BCAS3: variants seen among roughly 807,000 people sequenced by gnomAD.
The protein encoded by BCAS3 is BCAS3 microtubule associated cell migration factor.
A neutral mutation model predicts 116.1 loss-of-function variants in BCAS3; 53 were observed. The ratio of observed to expected loss-of-function variants is 0.46; its 90% CI spans 0.37 to 0.57. The LOEUF (loss-of-function observed/expected upper bound fraction) is 0.57, where lower values mean the gene tolerates loss of function less well. Among genes scored for constraint, BCAS3 ranks in the 20% least tolerant of loss-of-function variants. The pLI is 0.00. For synonymous variants in BCAS3, 391 were observed against 408.2 expected, an observed-to-expected ratio of 0.96 and a Z score of 0.51; for missense variants, 917 against 1,165.4, an observed-to-expected ratio of 0.79 and a Z score of 3.10.
At chr17:60,816,553 G>A (rs888463974) in intron 7 of BCAS3, among the ~76,000 whole-genome samples, 1 of 152,082 alleles carries the variant, frequency 6.6e-6, no homozygotes, top group Non-Finnish European at 1.5e-5. Context: ...GATTACAGGC[G>A]TGCACTACCG....
rs1160957752 is a variant in BCAS3 at position 61,220,304 on chromosome 17, C to CAAACAAACA, written c.2425+135743_2425+135744insCAAACAAAA. On this transcript the variant is annotated intron_variant, in intron 22 of 23. Transcript: ENST00000407086. This position sits in a 1 kb window ranked among gnomAD's most constrained non-coding sequence, Gnocchi z 4.5. ...GTGAGACTCCATCTCAAAAAACAAACAAAAAACAAAAAAACTGAAGTTTTC... is the reference window on the plus strand; with the variant it reads ...GTGAGACTCCATCTCAAAAAACAAACAAACAAACAAAAAAACAAAAAAACTGAAGTTTTC... 3.3e-5 allele frequency among the ~76,000 whole-genome samples: 5 copies of CAAACAAACA among 151,432 alleles called. No individual in the cohort carries two copies. Among genetic ancestry groups the CAAACAAACA allele is most frequent in the African/African-American group, 1.2e-4 (5 of 41,214 alleles).
At chr17:60,887,783 A>G (rs1159130534) in intron 9 of BCAS3, among the ~76,000 whole-genome samples, 1 of 152,216 alleles carries the variant, frequency 6.6e-6, no homozygotes, top group African/African-American at 2.4e-5. Flanking sequence ...AAATGAATTC[A>G]GGTCACCTCT....
rs1324271946 is a variant in BCAS3, at chr17:61,214,563, C to T, written c.2425+129999C>T. ...AAAATTAGCTGGGCGTGGCGGCGGG[C>T]GCCTGTAGTCCCAGCTACTCCGGAG... On this transcript the variant is annotated intron_variant, in intron 22 of 23. Transcript: ENST00000407086. This position sits in a 1 kb window ranked among gnomAD's most constrained non-coding sequence, Gnocchi z 4.4. 2.0e-5 allele frequency among the ~76,000 whole-genome samples: 3 copies of T among 150,402 alleles called. No individual in the cohort carries two copies. The highest frequency in any genetic ancestry group is 4.4e-5 in the Non-Finnish European group (3 of 67,712).
In BCAS3 at chr17:61,217,650, A is replaced by AT. The variant is rs1045571372; in HGVS notation, c.2425+133091dup. 3.9e-5 allele frequency among the ~76,000 whole-genome samples: 6 copies of AT among 152,136 alleles called. No individual in the cohort carries two copies. The highest frequency in any genetic ancestry group is 8.8e-5 in the Non-Finnish European group (6 of 68,022). Reference sequence around the variant, plus strand: ...GGACCTAGACACTCCAAAAGTCTGCATTTTTATCCTGTTAGGTTTTCCAGA... The same window carrying AT: ...GGACCTAGACACTCCAAAAGTCTGCATTTTTTATCCTGTTAGGTTTTCCAGA... On this transcript the variant is annotated intron_variant, in intron 22 of 23. Coordinates refer to ENST00000407086, the MANE Select transcript of BCAS3 (RefSeq NM_017679.5). The surrounding 1 kb of genome is among the most constrained non-coding windows in gnomAD (Gnocchi z 5.2).
At position 61,332,919 on chromosome 17, in the gene BCAS3, C is replaced by T. The variant is rs1473483405; in HGVS notation, c.2426-35408C>T. Among the ~76,000 whole-genome samples, 5 of 152,160 alleles carry T rather than the reference C, an allele frequency of 3.3e-5. No homozygotes were observed. Among genetic ancestry groups the T allele is most frequent in the African/African-American group, 1.2e-4 (5 of 41,436 alleles). The stretch of plus-strand genomic sequence containing the variant: ...GCGTGAGCCATGGCACCCGGCCTAT[C>T]CCCATCTTAAAAAGGAGGCAGCTAA... On this transcript the variant is annotated intron_variant, in intron 22 of 23. Coordinates refer to ENST00000407086, the MANE Select transcript of BCAS3 (RefSeq NM_017679.5). The surrounding 1 kb of genome is among the most constrained non-coding windows in gnomAD (Gnocchi z 5.4).
At chr17:61,078,567 G>A (rs779153279) in intron 21 of BCAS3, 38 bp downstream of exon 21, 1 of 1,532,944 alleles carries the variant, frequency 6.5e-7, no homozygotes, top group Non-Finnish European at 9.0e-7. Flanking sequence ...TGAACAAAAG[G>A]ATTAATATGT....
rs909974831 is a variant in BCAS3 at position 61,106,995 on chromosome 17, A to G, written c.2425+22431A>G. Among the ~76,000 whole-genome samples the G allele has an allele frequency of 4.0e-5, 6 of 151,290 alleles. No individual in the cohort carries two copies. Among genetic ancestry groups the G allele is most frequent in the Non-Finnish European group, 5.9e-5 (4 of 67,910 alleles). ...GCCAGGTTGCCCTAAGTAAAGTTCT[A>G]TCAATTTGTGCTTCATTCATTCATT... is the stretch of plus-strand genomic sequence containing the variant. On this transcript the variant is annotated intron_variant, in intron 22 of 23. Coordinates refer to ENST00000407086, the MANE Select transcript of BCAS3 (RefSeq NM_017679.5). The surrounding 1 kb of genome is among the most constrained non-coding windows in gnomAD (Gnocchi z 4.2).
chr17:60,987,241 G>A (rs1358535164), intron 14 of BCAS3: 2 of 147,984 alleles, frequency 1.4e-5, no homozygotes, highest in African/African-American at 4.9e-5. Context: ...TACCTCTGTA[G>A]TATAATTTGA....
intron 22 of BCAS3, among the ~76,000 whole-genome samples, chr17:61,230,939 C>T (rs1353512590): frequency 2.0e-5 from 3 of 150,208 alleles, no homozygotes; most frequent in African/African-American, 7.3e-5. Context: ...TCTGCAGCCT[C>T]GCCAGCAGCT....
chr17:61,103,489 T>TA (rs2074454372), intron 22 of BCAS3, among the ~76,000 whole-genome samples: 1 of 152,192 alleles, frequency 6.6e-6, no homozygotes, highest in Non-Finnish European at 1.5e-5. Flanking sequence ...CTCCTCTTCT[T>TA]AAAAAAGAAC....
intron 22 of BCAS3, among the ~76,000 whole-genome samples, chr17:61,169,193 T>C (rs2144106010): frequency 1.3e-5 from 2 of 152,332 alleles, no homozygotes; most frequent in East Asian, 1.9e-4. Flanking sequence ...GTTCAGACAA[T>C]ACCAAAACTC....
chr17:61,385,647 C>T (rs550656379), intron 23 of BCAS3, among the ~76,000 whole-genome samples: 197 of 152,328 alleles, frequency 1.3e-3, no homozygotes, highest in African/African-American at 4.6e-3. Flanking sequence ...GCGGGCAGCT[C>T]GGCTGGCTGC....
Position 61,019,307 on chromosome 17 carries a change from C to T in BCAS3, c.1637+3406C>T, listed in dbSNP as rs2065714909. On this transcript the variant is annotated intron_variant, in intron 16 of 23. Coordinates refer to ENST00000407086, the MANE Select transcript of BCAS3 (RefSeq NM_017679.5). The surrounding 1 kb of genome is among the most constrained non-coding windows in gnomAD (Gnocchi z 5.6). ...TTATGAGAATCTAATGCCTCATGAT[C>T]TGAAGTGAAACTTCCATGAAACCTA... Among the ~76,000 whole-genome samples the T allele has an allele frequency of 6.6e-6, 1 of 152,220 alleles. No homozygotes were observed. Among genetic ancestry groups the T allele is most frequent in the Non-Finnish European group, 1.5e-5 (1 of 68,034 alleles).
chr17:60,732,600 G>T (rs1237464157), intron 5 of BCAS3, among the ~76,000 whole-genome samples: 1 of 152,170 alleles, frequency 6.6e-6, no homozygotes, highest in Non-Finnish European at 1.5e-5. Flanking sequence ...CAGCACTTTG[G>T]GAGGCTGAGG....
chr17:60,805,291 A>G (rs775593450), intron 6 of BCAS3, among the ~76,000 whole-genome samples: 1 of 151,796 alleles, frequency 6.6e-6, no homozygotes, highest in Non-Finnish European at 1.5e-5. Context: ...ATTATTTTGA[A>G]CCCTTCCTAG....
Position 61,376,339 on chromosome 17 carries a change from G to A in BCAS3, c.2593+7845G>A, listed in dbSNP as rs1436484881. Among the ~76,000 whole-genome samples, 3 of 152,104 alleles carry A rather than the reference G, an allele frequency of 2.0e-5. No homozygotes were observed. The highest frequency in any genetic ancestry group is 7.2e-5 in the African/African-American group (3 of 41,414). On this transcript the variant is annotated intron_variant, in intron 23 of 23. Transcript: ENST00000407086. This position sits in a 1 kb window ranked among gnomAD's most constrained non-coding sequence, Gnocchi z 4.5. ...GATGCTGCCTTCACAGGGCCATCGT[G>A]GCTCATAGCCCCATAGGTCACATTC...
At chr17:60,694,200 TTAAAAAA>T (rs1389532854) in intron 4 of BCAS3, among the ~76,000 whole-genome samples, 188 of 149,754 alleles carry the variant, frequency 1.3e-3, no homozygotes, top group African/African-American at 4.6e-3. Flanking sequence ...ATTTTAATTT[TTAAAAAA>T]ATTATTGATT....
intron 4 of BCAS3, among the ~76,000 whole-genome samples, chr17:60,694,269 G>A (rs1197796214): frequency 6.7e-6 from 1 of 149,386 alleles, no homozygotes. Flanking sequence ...TTGGGAGGCT[G>A]AGGTGAGCAG....
intron 5 of BCAS3, among the ~76,000 whole-genome samples, chr17:60,727,907 A>G (rs908840986): frequency 2.6e-5 from 4 of 151,466 alleles, no homozygotes; most frequent in Admixed American, 2.0e-4. Flanking sequence ...TTCTAGGCTC[A>G]AGTGATCCTC....
Sources: gnomAD v4.1 joint callset for allele counts (sites outside exome capture counted in the v4.1 genomes callset) on GRCh38, gnomAD v4.1.1 for gene constraint, Gnocchi (gnomAD v3.1) non-coding constraint, MANE v1.5 for transcripts, NCBI Gene and HGNC (gene_info 2026-07-23, HGNC 2026-07-21) for gene names.